The following SMYD3 variants were observed in gnomAD, a reference collection of about 807,000 sequenced individuals.
SMYD3 encodes histone-lysine N-methyltransferase SMYD3.
In SMYD3, 36 loss-of-function variants were observed where a neutral mutation model predicts 57.7. The ratio of observed to expected loss-of-function variants is 0.62; its 90% confidence interval spans 0.48 to 0.82. The LOEUF is 0.82. Ranked by LOEUF, SMYD3 falls within the 40% of genes least tolerant of loss-of-function variation. The pLI is 0.00. For synonymous variants in SMYD3, 211 were observed against 195.0 expected (o/e 1.08, Z -0.68); for missense variants, 515 against 538.8 (o/e 0.96, Z 0.44).
intron 5 of SMYD3, among the ~76,000 whole-genome samples, chr1:246,002,999 T>C (rs957086237): frequency 6.6e-6 from 1 of 152,094 alleles, no homozygotes; most frequent in African/African-American, 2.4e-5. Flanking sequence ...CACCGCACGA[T>C]GTAAGTGCGT....
intron 10 of SMYD3, chr1:245,814,354 C>CA: frequency 1.0e-6 from 1 of 984,432 alleles, no homozygotes; most frequent in Non-Finnish European, 1.2e-6. Context: ...GAAGCAGCAC[C>CA]AGGAATCAGG....
intron 5 of SMYD3, among the ~76,000 whole-genome samples, chr1:246,140,858 T>C (rs1051773909): frequency 1.3e-5 from 2 of 152,132 alleles, no homozygotes; most frequent in African/African-American, 4.8e-5. Context: ...GCCTCCTGAG[T>C]TGCTGGGATC....
At chr1:245,883,202 A>G (rs1161014891) in intron 8 of SMYD3, among the ~76,000 whole-genome samples, 3 of 152,238 alleles carry the variant, frequency 2.0e-5, no homozygotes, top group African/African-American at 7.2e-5. Flanking sequence ...CCTTGTAACT[A>G]GATACTAAAC....
In SMYD3 at chr1:246,120,449, T is replaced by G. The variant is rs144611206; in HGVS notation, c.532-190512A>C. Among the ~76,000 whole-genome samples the G allele has an allele frequency of 7.9e-3, 1,206 of 152,122 alleles. 13 individuals are homozygous for G. Among genetic ancestry groups the G allele is most frequent in the South Asian group, 0.037 (177 of 4,802 alleles). Reference sequence around the variant, plus strand: ...AACTCAAGGGTCGCTTCCCGTATAGTTTTTGCTGGGCCTCTCTTCTCCGGC... The same window carrying G: ...AACTCAAGGGTCGCTTCCCGTATAGGTTTTGCTGGGCCTCTCTTCTCCGGC... On this transcript the variant is annotated intron_variant, in intron 5 of 11. Coordinates refer to ENST00000490107, the MANE Select transcript of SMYD3 (RefSeq NM_001167740.2).
At chr1:246,365,840 G>C (rs1285142492) in intron 1 of SMYD3, among the ~76,000 whole-genome samples, 2 of 152,152 alleles carry the variant, frequency 1.3e-5, no homozygotes, top group East Asian at 3.8e-4. Context: ...AGCATAGAAT[G>C]CCAAGCCAAT....
intron 5 of SMYD3, among the ~76,000 whole-genome samples, chr1:246,140,442 C>A (rs1414879846): frequency 6.6e-6 from 1 of 152,142 alleles, no homozygotes; most frequent in Non-Finnish European, 1.5e-5. Context: ...AGTACTAGCA[C>A]CAGTAGTATT....
intron 5 of SMYD3, among the ~76,000 whole-genome samples, chr1:246,023,807 C>CTGCGTGTG (rs2059519435): frequency 7.2e-6 from 1 of 139,512 alleles, no homozygotes; most frequent in African/African-American, 2.8e-5. Context: ...TATTACAAAA[C>CTGCGTGTG]TGTGTGTGTG....
chr1:246,166,577 T>A (rs1308269851), intron 5 of SMYD3, among the ~76,000 whole-genome samples: 2 of 152,200 alleles, frequency 1.3e-5, no homozygotes, highest in Non-Finnish European at 2.9e-5. Context: ...GGCTGTTGGT[T>A]CCTGGAGTCT....
chr1:246,219,323 G>A (rs568198872), intron 5 of SMYD3, among the ~76,000 whole-genome samples: 26 of 152,182 alleles, frequency 1.7e-4, no homozygotes, highest in South Asian at 8.3e-4. Context: ...GCTGGATGTC[G>A]GAGAGAAGCA....
chr1:246,009,417 C>A (rs995328627), intron 5 of SMYD3, among the ~76,000 whole-genome samples: 3 of 152,142 alleles, frequency 2.0e-5, no homozygotes, highest in African/African-American at 7.2e-5. Flanking sequence ...GCATTTTTGT[C>A]TAAACTAAGA....
chr1:245,787,140 G>A (rs150538492), intron 10 of SMYD3, among the ~76,000 whole-genome samples: 6 of 152,210 alleles, frequency 3.9e-5, no homozygotes, highest in African/African-American at 1.2e-4. Flanking sequence ...TCACAGGGCC[G>A]AACCACAGCC....
At chr1:245,804,376 ATC>A (rs1346943149) in intron 10 of SMYD3, among the ~76,000 whole-genome samples, 3 of 152,018 alleles carry the variant, frequency 2.0e-5, no homozygotes, top group Non-Finnish European at 4.4e-5. Flanking sequence ...AAGTCAGGAG[ATC>A]CAGACCATCC....
chr1:245,912,687 G>T (rs531602164), intron 8 of SMYD3, among the ~76,000 whole-genome samples: 19 of 151,878 alleles, frequency 1.3e-4, no homozygotes, highest in Non-Finnish European at 2.6e-4. Context: ...AACAGAAAAC[G>T]CACAATTAAA....
chr1:246,506,761 C>T (rs1171264512), intron 1 of SMYD3, among the ~76,000 whole-genome samples: 1 of 152,232 alleles, frequency 6.6e-6, no homozygotes, highest in Non-Finnish European at 1.5e-5. Context: ...ACAACGCTTC[C>T]CCCTCAAGTC....
intron 5 of SMYD3, among the ~76,000 whole-genome samples, chr1:245,959,193 C>T (rs1431859205): frequency 6.6e-6 from 1 of 152,086 alleles, no homozygotes; most frequent in African/African-American, 2.4e-5. Flanking sequence ...AACTCCTGGC[C>T]TTAAGTGATT....
intron 5 of SMYD3, among the ~76,000 whole-genome samples, chr1:246,185,677 G>A (rs1400020294): frequency 2.0e-5 from 3 of 152,064 alleles, no homozygotes; most frequent in African/African-American, 4.8e-5. Flanking sequence ...TAGCCAGGAT[G>A]GTCTCGATCT....
At chr1:245,861,656 T>A (rs1422398097) in intron 9 of SMYD3, among the ~76,000 whole-genome samples, 1 of 152,184 alleles carries the variant, frequency 6.6e-6, no homozygotes, top group Non-Finnish European at 1.5e-5. Flanking sequence ...GGTCATTCCT[T>A]GTGTTGGATG....
chr1:246,176,271 A>G (rs2062432182), intron 5 of SMYD3, among the ~76,000 whole-genome samples: 1 of 152,168 alleles, frequency 6.6e-6, no homozygotes, highest in South Asian at 2.1e-4. Context: ...AACTACACCC[A>G]TAAGTACCAG....
At chr1:246,395,698 ATGGCTGGACAGGGAAGACGAACACAC>A (rs1265731009) in intron 1 of SMYD3, among the ~76,000 whole-genome samples, 163 of 37,732 alleles carry the variant, frequency 4.3e-3, no homozygotes, top group Middle Eastern at 0.037. Flanking sequence ...CGAACCCACC[ATGGCTGGACAGGGAAGACGAACACAC>A]CAGTCAGACA....
Sources: allele counts gnomAD v4.1 joint callset (sites outside exome capture counted in the v4.1 genomes callset), GRCh38; gene constraint gnomAD v4.1.1; transcripts MANE v1.5; gene names NCBI Gene and HGNC (gene_info 2026-07-23, HGNC 2026-07-21).